The following PDZD2 variants were observed in gnomAD, a reference collection of about 807,000 sequenced individuals.
PDZD2 encodes PDZ domain containing 2, also known as PDZ domain-containing protein 2.
In PDZD2, 90 loss-of-function variants were observed where a neutral mutation model predicts 220.7. The ratio of observed to expected loss-of-function variants is 0.41; its 90% CI spans 0.34 to 0.49. PDZD2 has a LOEUF of 0.49. Among genes scored for constraint, PDZD2 ranks in the 20% least tolerant of loss-of-function variants. The pLI, the probability that PDZD2 is intolerant of heterozygous loss-of-function variation, is 0.28. For missense variants in PDZD2, 3,174 were observed against 3,608.5 expected (o/e 0.88, Z 3.08); for synonymous variants, 1,375 against 1,450.5 (o/e 0.95, Z 1.18).
Position 31,846,496 on chromosome 5 carries a change from A to T in PDZD2, c.476+46772A>T, listed in dbSNP as rs370274218. On this transcript the variant is annotated intron_variant, in intron 2 of 24. Transcript: ENST00000438447. ...TGCGAAGAGGGAAAGAGACATGGGC[A>T]TCTGTTCAGACGTCATTCACTCATC... Among the ~76,000 whole-genome samples, 8 of 152,184 alleles carry T rather than the reference A, an allele frequency of 5.3e-5. No homozygotes were observed. In the South Asian group the frequency reaches 1.4e-3, roughly 28 times the overall value.
At chr5:31,841,581 G>T (rs912702307) in intron 2 of PDZD2, among the ~76,000 whole-genome samples, 4 of 152,222 alleles carry the variant, frequency 2.6e-5, no homozygotes, top group African/African-American at 9.6e-5. Flanking sequence ...GTTGAGACAG[G>T]AGAATCACTT....
intron 7 of PDZD2, 79 bp downstream of exon 7, chr5:32,037,421 G>A (rs558716129): frequency 5.9e-5 from 47 of 801,260 alleles, no homozygotes; most frequent in East Asian, 1.7e-4. Context: ...AGCCATTGCC[G>A]GGATGAGCTC....
At chr5:31,780,251 G>C (rs1301615129) in intron 1 of PDZD2, among the ~76,000 whole-genome samples, 1 of 152,054 alleles carries the variant, frequency 6.6e-6, no homozygotes, top group African/African-American at 2.4e-5. Flanking sequence ...AGTGGGGTGG[G>C]GGGTGGAGTC....
At chr5:32,072,106 G>C in intron 16 of PDZD2, 55 bp from the exon 17 acceptor site, 1 of 1,296,660 alleles carries the variant, frequency 7.7e-7, no homozygotes, top group African/African-American at 1.5e-5. Flanking sequence ...AATAACCCTT[G>C]AAAGTCTGCT....
chr5:32,071,359 A>G (rs895079012), intron 15 of PDZD2, 25 bp from the exon 16 acceptor site: 9 of 1,570,754 alleles, frequency 5.7e-6, no homozygotes, highest in Non-Finnish European at 7.9e-6. Context: ...TGTTTTGACA[A>G]TATGGTGAAT....
intron 2 of PDZD2, among the ~76,000 whole-genome samples, chr5:31,886,977 G>T (rs1740564924): frequency 6.6e-6 from 1 of 152,188 alleles, no homozygotes; most frequent in East Asian, 1.9e-4. Context: ...GGAATTGTAG[G>T]CGTGAGCCAC....
At chr5:32,074,842 G>T (rs1052088864) in intron 18 of PDZD2, among the ~76,000 whole-genome samples, 199 bp downstream of exon 18, 1 of 149,176 alleles carries the variant, frequency 6.7e-6, no homozygotes, top group Admixed American at 6.7e-5. Flanking sequence ...ATGGAGTTTC[G>T]CTCTGTCACC....
At chr5:31,942,496 G>A (rs948893249) in intron 2 of PDZD2, among the ~76,000 whole-genome samples, 1 of 152,066 alleles carries the variant, frequency 6.6e-6, no homozygotes, top group African/African-American at 2.4e-5. Flanking sequence ...AAGATACAAA[G>A]TTTCACTCTA....
At chr5:32,097,893 T>G (rs1159870266) in intron 22 of PDZD2, among the ~76,000 whole-genome samples, 1 of 152,196 alleles carries the variant, frequency 6.6e-6, no homozygotes, top group Non-Finnish European at 1.5e-5. Flanking sequence ...GCATTGACAT[T>G]TGTGTTCCAT....
intron 1 of PDZD2, among the ~76,000 whole-genome samples, chr5:31,699,502 G>A (rs529009445): frequency 5.3e-5 from 8 of 152,156 alleles, no homozygotes; most frequent in South Asian, 2.1e-4. Context: ...TAATCCCAGC[G>A]CTTTGGGAGG....
chr5:32,094,685 C>A (rs1427581065), intron 21 of PDZD2, among the ~76,000 whole-genome samples: 1 of 146,342 alleles, frequency 6.8e-6, no homozygotes, highest in African/African-American at 2.5e-5. Context: ...CATAGTGAGA[C>A]CCCTCATCTC....
chr5:31,680,838 A>G (rs1413998471), intron 1 of PDZD2, among the ~76,000 whole-genome samples: 2 of 152,132 alleles, frequency 1.3e-5, no homozygotes, highest in African/African-American at 2.4e-5. Flanking sequence ...ACCTCTGCCC[A>G]GCCCAGCAGC....
intron 2 of PDZD2, among the ~76,000 whole-genome samples, chr5:31,838,139 C>A (rs1561497273): frequency 6.6e-6 from 1 of 152,136 alleles, no homozygotes; most frequent in African/African-American, 2.4e-5. Flanking sequence ...CTCACTGTAA[C>A]CTCCGCCTCC....
At position 32,061,142 on chromosome 5, in the gene PDZD2, G is replaced by A. The variant is rs754084197; in HGVS notation, c.2451+8G>A. Reference sequence around the variant, plus strand: ...CGGCACCCTAATCCAAAGGTGAGGTGGTCCACCCTCTTCTGAACGTGGGAA... The same window carrying A: ...CGGCACCCTAATCCAAAGGTGAGGTAGTCCACCCTCTTCTGAACGTGGGAA... On this transcript the variant is annotated splice_region_variant and intron_variant, in intron 14 of 24. Transcript: ENST00000438447. 1.2e-6 allele frequency: 2 copies of A among 1,613,666 alleles called. No homozygotes were observed. The highest frequency in any genetic ancestry group is 1.3e-5 in the African/African-American group (1 of 74,910).
intron 6 of PDZD2, among the ~76,000 whole-genome samples, chr5:32,034,354 A>ATTTT (rs753294040): frequency 7.6e-6 from 1 of 131,640 alleles, no homozygotes; most frequent in Non-Finnish European, 1.6e-5. Flanking sequence ...GGAACCAGGA[A>ATTTT]TTTTTTTTTT....
chr5:32,011,222 C>T (rs1252593894), intron 6 of PDZD2, among the ~76,000 whole-genome samples: 1 of 151,862 alleles, frequency 6.6e-6, no homozygotes, highest in African/African-American at 2.4e-5. Context: ...GGTGCTGTGG[C>T]TCATGCCTGT....
In PDZD2 at chr5:32,090,465, C is replaced by T. The variant is rs1259701237; in HGVS notation, c.7017C>T (p.Ile2339=). The change falls in exon 20 of 25, where the codon ATC becomes ATT. Residue 2339 remains isoleucine (I), a synonymous_variant. Coordinates refer to ENST00000438447, the MANE Select transcript of PDZD2 (RefSeq NM_178140.4). The surrounding 1 kb of genome is among the most constrained non-coding windows in gnomAD (Gnocchi z 4.3). The part of the protein sequence containing the change: ...STSFFSVKQR[I]KSFENLANAD... The stretch of plus-strand genomic sequence containing the variant: ...CATTTTTCTCTGTGAAGCAGCGGAT[C>T]AAGTCTTTTGAGAACCTGGCCAATG... 1 of 1,614,046 alleles carries T rather than the reference C, an allele frequency of 6.2e-7. No homozygotes were observed.
intron 2 of PDZD2, among the ~76,000 whole-genome samples, chr5:31,884,011 G>A (rs1028367703): frequency 6.6e-6 from 1 of 152,204 alleles, no homozygotes; most frequent in Non-Finnish European, 1.5e-5. Flanking sequence ...TCAGGAGCTT[G>A]AGTCCAGCCT....
At chr5:31,819,688 A>C (rs1393901133) in intron 2 of PDZD2, among the ~76,000 whole-genome samples, 3 of 151,224 alleles carry the variant, frequency 2.0e-5, no homozygotes. Flanking sequence ...TCTGCAATAC[A>C]TTTTATGTTC....
Sources: allele counts gnomAD v4.1 joint callset (sites outside exome capture counted in the v4.1 genomes callset), GRCh38; gene constraint gnomAD v4.1.1; non-coding constraint Gnocchi (gnomAD v3.1); transcripts MANE v1.5; gene names NCBI Gene and HGNC (gene_info 2026-07-23, HGNC 2026-07-21).